The following PSD2 variants were observed in gnomAD, a reference collection of about 807,000 sequenced individuals.
The protein encoded by PSD2 is pleckstrin and Sec7 domain containing 2.
A neutral mutation model predicts 69.8 loss-of-function variants in PSD2; 38 were observed. The observed-to-expected ratio is 0.54, with a 90% CI of 0.42 to 0.71. PSD2 has a LOEUF of 0.71. Ranked by LOEUF, PSD2 falls within the 30% of genes least tolerant of loss-of-function variation. The pLI is 0.00. For synonymous variants in PSD2, 412 were observed against 423.0 expected, an observed-to-expected ratio of 0.97 and a Z score of 0.32; for missense variants, 943 against 1,014.5, an observed-to-expected ratio of 0.93 and a Z score of 0.96.
intron 14 of PSD2, 90 bp downstream of exon 14, chr5:139,840,260 T>G: frequency 6.9e-7 from 1 of 1,444,656 alleles, no homozygotes; most frequent in Non-Finnish European, 9.5e-7. Context: ...AGGTGAAGCC[T>G]AGTGATAAAG....
the PSD2 span, among the ~76,000 whole-genome samples, chr5:139,763,567 C>A: frequency 6.6e-6 from 1 of 152,198 alleles, no homozygotes; most frequent in Non-Finnish European, 1.5e-5. Flanking sequence ...TCCAGCTTCA[C>A]CTGCCCTGGG....
At chr5:139,766,948 T>TCTTTCTTTCTTTCTTTCTTTCTTC in the PSD2 span, among the ~76,000 whole-genome samples, 51 of 126,436 alleles carry the variant, frequency 4.0e-4, 1 homozygote, top group South Asian at 1.4e-3. Context: ...TTTCTTTCTT[T>TCTTTCTTTCTTTCTTTCTTTCTTC]CTTTCTTTCT....
intron 4 of PSD2, among the ~76,000 whole-genome samples, 165 bp from the exon 5 acceptor site, chr5:139,817,316 C>G (rs984667619): frequency 2.7e-5 from 4 of 150,830 alleles, no homozygotes; most frequent in African/African-American, 4.9e-5. Flanking sequence ...CCTGACACCC[C>G]AAGACCAAGG....
chr5:139,841,127 C>T (rs538225349), intron 14 of PSD2, among the ~76,000 whole-genome samples: 1 of 152,298 alleles, frequency 6.6e-6, no homozygotes, highest in African/African-American at 2.4e-5. Flanking sequence ...TGGAATCCTA[C>T]AGAATTCATC....
chr5:139,795,593 C>CGGGGCAGAGGGGGACAAGGTG (rs1759498174), upstream of PSD2, among the ~76,000 whole-genome samples: 3 of 151,984 alleles, frequency 2.0e-5, no homozygotes, highest in South Asian at 6.2e-4. This position sits in a 1 kb window ranked among gnomAD's most constrained non-coding sequence, Gnocchi z 4.5. Flanking sequence ...AGGGCCCGCG[C>CGGGGCAGAGGGGGACAAGGTG]GGGGCAGAGG....
chr5:139,819,940 G>A (rs1760216204), intron 5 of PSD2, among the ~76,000 whole-genome samples: 1 of 152,328 alleles, frequency 6.6e-6, no homozygotes, highest in Admixed American at 6.5e-5. Flanking sequence ...GGTACTGGCT[G>A]CAAAGCAACA....
upstream of PSD2, among the ~76,000 whole-genome samples, chr5:139,794,515 A>G (rs1394028331): frequency 2.0e-5 from 3 of 152,164 alleles, no homozygotes; most frequent in Admixed American, 2.0e-4. Flanking sequence ...TTGTGTGTTC[A>G]TGGGTGGAAA....
intron 1 of PSD2, among the ~76,000 whole-genome samples, chr5:139,800,252 TC>T (rs1325393349): frequency 6.6e-6 from 1 of 152,220 alleles, no homozygotes; most frequent in Non-Finnish European, 1.5e-5. Flanking sequence ...CCTACCCCAC[TC>T]CTGCACATGC....
At chr5:139,787,396 G>T in the PSD2 span, among the ~76,000 whole-genome samples, 1 of 152,216 alleles carries the variant, frequency 6.6e-6, no homozygotes, top group Non-Finnish European at 1.5e-5. Flanking sequence ...GTGCTCTGGG[G>T]TAAGTCACTG....
At chr5:139,809,267 G>A in intron 1 of PSD2, 124 bp from the exon 2 acceptor site, 1 of 733,962 alleles carries the variant, frequency 1.4e-6, no homozygotes, top group East Asian at 2.7e-5. Context: ...AGGGCCCCGA[G>A]GAGGTCATCT....
At chr5:139,762,666 CT>C in the PSD2 span, among the ~76,000 whole-genome samples, 10 of 152,102 alleles carry the variant, frequency 6.6e-5, no homozygotes, top group African/African-American at 2.4e-4. Context: ...CCTAGATGGC[CT>C]TTTTTAGCGT....
At chr5:139,799,895 G>A (rs931019257) in intron 1 of PSD2, among the ~76,000 whole-genome samples, 13 of 152,218 alleles carry the variant, frequency 8.5e-5, no homozygotes, top group African/African-American at 3.1e-4. Context: ...CTTGGGAAGG[G>A]AGATGGAGGT....
rs1301091997 is a variant in PSD2, at chr5:139,833,745, TG to T, written c.1315del (p.Asp439ThrfsTer3). 1.2e-6 allele frequency: 2 copies of T among 1,614,144 alleles called. No homozygotes were observed. Among genetic ancestry groups the T allele is most frequent in the Non-Finnish European group, 1.7e-6 (2 of 1,179,980 alleles). On this transcript the variant is annotated frameshift_variant, in exon 8 of 15. Transcript: ENST00000274710. LOFTEE classifies it high-confidence loss of function. ...TCCTGTCAGCAATTCATTGCCAACT[TG>T]GACCAGCTGAATGATGGCCAAGACT... ...KMSCQQFIANLDQLNDGQDFA... is the reference protein window; with the variant it reads ...KMSCQQFIANXDQLNDGQDFA...
intron 7 of PSD2, among the ~76,000 whole-genome samples, chr5:139,830,378 C>T (rs1253316882): frequency 3.7e-5 from 5 of 135,648 alleles, no homozygotes; most frequent in East Asian, 4.2e-4. Context: ...TTTGAGACAG[C>T]GTCTCTCTGT....
At chr5:139,827,990 A>T (rs1310869300) in intron 7 of PSD2, among the ~76,000 whole-genome samples, 4 of 151,970 alleles carry the variant, frequency 2.6e-5, no homozygotes, top group Non-Finnish European at 5.9e-5. Flanking sequence ...GAAGAGCAGG[A>T]GATGGGGGTC....
chr5:139,817,020 C>T (rs534330810), intron 4 of PSD2, among the ~76,000 whole-genome samples: 1 of 152,232 alleles, frequency 6.6e-6, no homozygotes, highest in African/African-American at 2.4e-5. Flanking sequence ...GGCAGTCCCC[C>T]TGTGGGTCTC....
At chr5:139,767,303 T>A in the PSD2 span, among the ~76,000 whole-genome samples, 3 of 150,760 alleles carry the variant, frequency 2.0e-5, no homozygotes, top group Non-Finnish European at 4.4e-5. Context: ...ACCATCTTTC[T>A]TTCTTTCTTC....
rs2126938851 is a variant in PSD2 at position 139,813,409 on chromosome 5, C to T, written c.472C>T (p.Leu158Phe). ...GCTGCGGGGCACCCAGTACAGCAGC[C>T]TCGACTCCCTAGACGGGCTGAGCCT... ...ELLRGTQYSS[L>F]DSLDGLSLTD... is the part of the protein sequence containing the mutation. Residue 158 changes from leucine to phenylalanine, a missense_variant, in exon 3 of 15, where the codon CTC becomes TTC. Physicochemically the swap from Leu to Phe is conservative, Grantham distance 22 (BLOSUM62 0). Around this residue, in one of 3 missense-constraint regions of PSD2, gnomAD observed 466 missense variants for 445.0 expected, o/e 1.05. Coordinates refer to ENST00000274710, the MANE Select transcript of PSD2 (RefSeq NM_032289.4). 1 of 1,613,642 alleles carries T rather than the reference C, an allele frequency of 6.2e-7. No individual in the cohort carries two copies. The highest frequency in any genetic ancestry group is 2.2e-5 in the East Asian group (1 of 44,852).
At chr5:139,778,812 G>A in the PSD2 span, among the ~76,000 whole-genome samples, 1 of 151,734 alleles carries the variant, frequency 6.6e-6, no homozygotes, top group Non-Finnish European at 1.5e-5. Flanking sequence ...GCCTATAGTC[G>A]CAGCTACTCA....
Sources: allele counts gnomAD v4.1 joint callset (sites outside exome capture counted in the v4.1 genomes callset), GRCh38; gene constraint gnomAD v4.1.1; regional missense constraint gnomAD v4.1.1; non-coding constraint Gnocchi (gnomAD v3.1); transcripts MANE v1.5; gene names NCBI Gene and HGNC (gene_info 2026-07-23, HGNC 2026-07-21).